GPR83: variants seen among roughly 807,000 people sequenced by gnomAD.
The protein encoded by GPR83 is G-protein coupled receptor 72.
In GPR83, 23 loss-of-function variants were observed where a neutral mutation model predicts 28.0. That is an observed-to-expected ratio of 0.82 (90% CI 0.59 to 1.16). The LOEUF (loss-of-function observed/expected upper bound fraction) is 1.16. Ranked by LOEUF, GPR83 falls within the 50% of genes most tolerant of loss-of-function variation. The pLI, the probability that GPR83 is intolerant of heterozygous loss-of-function variation, is 0.00. For missense variants in GPR83, 610 were observed against 536.6 expected (o/e 1.14, Z -1.35); for synonymous variants, 234 against 215.4 (o/e 1.09, Z -0.76).
intron 3 of GPR83, among the ~76,000 whole-genome samples, chr11:94,391,938 A>G (rs1236071414): frequency 6.6e-6 from 1 of 152,240 alleles, no homozygotes; most frequent in African/African-American, 2.4e-5. Flanking sequence ...ATCTAGAACT[A>G]GAAATACCAT....
chr11:94,383,577 T>C (rs770212600), intron 3 of GPR83, among the ~76,000 whole-genome samples: 6 of 151,984 alleles, frequency 3.9e-5, no homozygotes, highest in Non-Finnish European at 7.4e-5. Flanking sequence ...ACAAACTTGA[T>C]AGACCACTAG....
chr11:94,393,988 A>G (rs554423329), intron 2 of GPR83, among the ~76,000 whole-genome samples: 15 of 152,034 alleles, frequency 9.9e-5, no homozygotes, highest in Non-Finnish European at 2.1e-4. Flanking sequence ...GCCCACCTCC[A>G]GAAGAGGAAA....
chr11:94,386,643 T>C (rs1944759686), intron 3 of GPR83, among the ~76,000 whole-genome samples: 1 of 152,300 alleles, frequency 6.6e-6, no homozygotes, highest in East Asian at 1.9e-4. Flanking sequence ...TAAATATATA[T>C]GCACCCAATA....
intron 3 of GPR83, among the ~76,000 whole-genome samples, chr11:94,381,182 A>G (rs1944682972): frequency 6.6e-6 from 1 of 152,218 alleles, no homozygotes; most frequent in Non-Finnish European, 1.5e-5. Context: ...AAAAGAAATG[A>G]TGGATCTTGA....
Position 94,400,904 on chromosome 11 carries a change from A to G in GPR83, c.344T>C (p.Val115Ala). 1 of 1,614,176 alleles carries G rather than the reference A, an allele frequency of 6.2e-7. No homozygotes were observed. Among genetic ancestry groups the G allele is most frequent in the Non-Finnish European group, 8.5e-7 (1 of 1,179,990 alleles). ...ATSLFIVNLA[V>A]ADIMITLLNT... ...GAGCAGCGTGATCATTATGTCGGCA[A>G]CTGCCAGGTTGACGATGAAGAGGCT... Residue 115 changes from valine to alanine, a missense_variant, in exon 1 of 4, where the codon GTT becomes GCT. Coordinates refer to ENST00000243673, the MANE Select transcript of GPR83 (RefSeq NM_016540.4).
chr11:94,396,300 T>C, intron 2 of GPR83, 99 bp downstream of exon 2: 1 of 1,135,160 alleles, frequency 8.8e-7, no homozygotes, highest in South Asian at 1.4e-5. Flanking sequence ...ACACACTCAT[T>C]GAAAACTGGG....
chr11:94,382,283 C>A (rs570423978), intron 3 of GPR83, among the ~76,000 whole-genome samples: 1 of 128,112 alleles, frequency 7.8e-6, no homozygotes, highest in Non-Finnish European at 1.6e-5. Flanking sequence ...GCAGAGGTTG[C>A]GGTGAGCTGA....
At chr11:94,394,142 G>A (rs1268847544) in intron 2 of GPR83, among the ~76,000 whole-genome samples, 1 of 152,190 alleles carries the variant, frequency 6.6e-6, no homozygotes, top group Non-Finnish European at 1.5e-5. Flanking sequence ...GGCTGGGAGA[G>A]GAGCAAGCCC....
At chr11:94,387,082 G>T (rs1000340762) in intron 3 of GPR83, among the ~76,000 whole-genome samples, 2 of 152,146 alleles carry the variant, frequency 1.3e-5, no homozygotes, top group Admixed American at 6.6e-5. Context: ...TGACTACTGG[G>T]TACATAATGA....
intron 3 of GPR83, among the ~76,000 whole-genome samples, chr11:94,392,029 T>A (rs1030232830): frequency 6.6e-6 from 1 of 152,100 alleles, no homozygotes; most frequent in African/African-American, 2.4e-5. Context: ...CACACATATG[T>A]TTATTGCGGC....
chr11:94,384,291 T>C (rs1591601632), intron 3 of GPR83, among the ~76,000 whole-genome samples: 1 of 152,216 alleles, frequency 6.6e-6, no homozygotes, highest in African/African-American at 2.4e-5. Context: ...CACCCTTTCA[T>C]GCTACAAACT....
chr11:94,400,777 A>T, intron 1 of GPR83, 84 bp downstream of exon 1: 1 of 1,288,486 alleles, frequency 7.8e-7, no homozygotes, highest in South Asian at 1.3e-5. Context: ...AGGGAGACGC[A>T]GAACGGCAGA....
chr11:94,383,194 CACA>C (rs1168778992), intron 3 of GPR83, among the ~76,000 whole-genome samples: 2 of 151,122 alleles, frequency 1.3e-5, no homozygotes, highest in African/African-American at 4.9e-5. Context: ...CTCAAAACCA[CACA>C]ACTACATGGA....
In GPR83 at chr11:94,380,707, G is replaced by A. The variant is rs1365268925; in HGVS notation, c.714C>T (p.Tyr238=). The change falls in exon 4 of 4, where the codon TAC becomes TAT. Residue 238 remains tyrosine (Y), a synonymous_variant. Transcript: ENST00000243673. ...GCAGGATGAAGGTGGCCAAGTCCAG[G>A]TACTTCCAGAAGAGGTCAGCTGGCT... ...FPEPADLFWK[Y]LDLATFILLY... 1.2e-6 allele frequency: 2 copies of A among 1,613,280 alleles called. No individual in the cohort carries two copies. Among genetic ancestry groups the A allele is most frequent in the East Asian group, 4.5e-5 (2 of 44,874 alleles).
At chr11:94,383,487 G>C (rs1457182603) in intron 3 of GPR83, among the ~76,000 whole-genome samples, 1 of 152,130 alleles carries the variant, frequency 6.6e-6, no homozygotes, top group African/African-American at 2.4e-5. Flanking sequence ...ACAAAGATCA[G>C]AGCAGAACTG....
intron 3 of GPR83, among the ~76,000 whole-genome samples, chr11:94,382,343 CAAAAAAAAAAAAA>C (rs57302833): frequency 3.0e-5 from 2 of 67,302 alleles, no homozygotes; most frequent in South Asian, 1.3e-3. Context: ...AACACCATCT[CAAAAAAAAAAAAA>C]AAAAAAAAAA....
intron 3 of GPR83, among the ~76,000 whole-genome samples, chr11:94,391,844 G>A (rs937313831): frequency 6.6e-6 from 1 of 152,212 alleles, no homozygotes; most frequent in Non-Finnish European, 1.5e-5. Context: ...AGAGGATGTG[G>A]AGAAATAGGA....
Position 94,401,059 on chromosome 11 carries a change from A to G in GPR83, c.189T>C (p.Ala63=). 6.2e-7 allele frequency: 1 copy of G among 1,614,216 alleles called. No homozygotes were observed. Among genetic ancestry groups the G allele is most frequent in the Non-Finnish European group, 8.5e-7 (1 of 1,180,008 alleles). ...QNFVGRRRYG[A]ESQNPTVKAL... ...CTTTCACCGTGGGGTTCTGGGACTC[A>G]GCGCCGTAGCGCCTCCTGCCCACAA... Residue 63 remains alanine, a synonymous_variant, in exon 1 of 4, where the codon GCT becomes GCC. Transcript: ENST00000243673.
chr11:94,400,750 GA>G, intron 1 of GPR83, 110 bp downstream of exon 1: 1 of 876,744 alleles, frequency 1.1e-6, no homozygotes, highest in Non-Finnish European at 1.8e-6. Context: ...GATGTGGAGA[GA>G]GAAGTGGGGA....
Sources: gnomAD v4.1 joint callset for allele counts (sites outside exome capture counted in the v4.1 genomes callset) on GRCh38, gnomAD v4.1.1 for gene constraint, MANE v1.5 for transcripts, NCBI Gene and HGNC (gene_info 2026-07-23, HGNC 2026-07-21) for gene names.